The following GALNT17 variants were observed in gnomAD, a reference collection of about 807,000 sequenced individuals.
The protein encoded by GALNT17 is UDP-GalNAc:polypeptide N-acetylgalactosaminyltransferase-like 3.
GALNT17 carries 29 observed loss-of-function variants against 63.7 expected under a neutral mutation model. The observed-to-expected ratio is 0.46, with a 90% CI of 0.34 to 0.62. The LOEUF (loss-of-function observed/expected upper bound fraction) is 0.62, where lower values mean the gene tolerates loss of function less well. Among genes scored for constraint, GALNT17 ranks in the 20% least tolerant of loss-of-function variants. The pLI, the probability that GALNT17 is intolerant of heterozygous loss-of-function variation, is 0.01. For missense variants in GALNT17, 603 were observed against 799.6 expected (o/e 0.75, Z 2.97); for synonymous variants, 305 against 318.3 (o/e 0.96, Z 0.45).
intron 9 of GALNT17, among the ~76,000 whole-genome samples, chr7:71,679,312 CA>C (rs1791200577): frequency 6.6e-6 from 1 of 152,018 alleles, no homozygotes; most frequent in African/African-American, 2.4e-5. Context: ...GTGAGGGGAT[CA>C]CTTGAACCCA....
At position 71,512,391 on chromosome 7, in the gene GALNT17, T is replaced by TAGC. The variant is rs1269705059; in HGVS notation, c.963-58893_963-58891dup. Among the ~76,000 whole-genome samples, 5 of 152,232 alleles carry TAGC rather than the reference T, an allele frequency of 3.3e-5. No individual in the cohort carries two copies. In the East Asian group the frequency reaches 9.7e-4, roughly 29 times the overall value. ...CGTGACAGTGAGAGGTAGCCCAGGG[T>TAGC]AGCTGTTCTTCTGTCTGGGTGGACA... On this transcript the variant is annotated intron_variant, in intron 5 of 10. Coordinates refer to ENST00000333538, the MANE Select transcript of GALNT17 (RefSeq NM_022479.3).
intron 5 of GALNT17, among the ~76,000 whole-genome samples, chr7:71,524,436 C>T (rs1237193861): frequency 6.6e-6 from 1 of 151,746 alleles, no homozygotes; most frequent in Non-Finnish European, 1.5e-5. Context: ...TCTGATGCTA[C>T]TCAAGTTTGA....
chr7:71,546,154 A>G (rs1019006200), intron 5 of GALNT17, among the ~76,000 whole-genome samples: 5 of 144,396 alleles, frequency 3.5e-5, no homozygotes, highest in African/African-American at 1.2e-4. Flanking sequence ...TGAATTCTTG[A>G]GGGACACTTT....
At chr7:71,308,450 G>C (rs1482418032) in intron 1 of GALNT17, among the ~76,000 whole-genome samples, 6 of 152,100 alleles carry the variant, frequency 3.9e-5, no homozygotes, top group Admixed American at 3.3e-4. Flanking sequence ...TCAGGAGTAG[G>C]GAGGGAATGA....
At chr7:71,244,814 G>T (rs1384496569) in intron 1 of GALNT17, among the ~76,000 whole-genome samples, 1 of 152,080 alleles carries the variant, frequency 6.6e-6, no homozygotes, top group Non-Finnish European at 1.5e-5. Flanking sequence ...ACTGGGCATG[G>T]TGGTGCACAC....
At chr7:71,313,435 A>G (rs540642052) in intron 1 of GALNT17, among the ~76,000 whole-genome samples, 153 of 152,356 alleles carry the variant, frequency 1.0e-3, no homozygotes, top group Non-Finnish European at 1.9e-3. Flanking sequence ...GAAAGAGCCA[A>G]TGAAAAAGAA....
chr7:71,438,878 A>C lies in GALNT17; in HGVS notation c.962+17773A>C, dbSNP rs1787015037. Among the ~76,000 whole-genome samples the C allele has an allele frequency of 2.0e-5, 3 of 151,590 alleles. No individual in the cohort carries two copies. In the South Asian group the frequency reaches 6.2e-4, roughly 31 times the overall value. On this transcript the variant is annotated intron_variant, in intron 5 of 10. Coordinates refer to ENST00000333538, the MANE Select transcript of GALNT17 (RefSeq NM_022479.3). Reference sequence around the variant, plus strand: ...ATGACAGACTCTGGTCGCTAATAAAAGATAGACTTTTTTTTTTTTTTTTGG... The same window carrying C: ...ATGACAGACTCTGGTCGCTAATAAACGATAGACTTTTTTTTTTTTTTTTGG...
At chr7:71,258,086 C>T (rs1790320512) in intron 1 of GALNT17, among the ~76,000 whole-genome samples, 1 of 152,224 alleles carries the variant, frequency 6.6e-6, no homozygotes, top group African/African-American at 2.4e-5. Context: ...AGGCCACCCT[C>T]TTCCTTAATG....
chr7:71,711,589 T>C (rs1198432887), intron 10 of GALNT17, among the ~76,000 whole-genome samples: 1 of 151,252 alleles, frequency 6.6e-6, no homozygotes, highest in Non-Finnish European at 1.5e-5. Context: ...CTCTTCTCTG[T>C]CTTGTCTCTC....
rs148817839 is a variant in GALNT17, at chr7:71,670,617, G to A, written c.1404+508G>A. ...TCAATATGCATTTGAGAACATTTTG[G>A]AAATAATAATACTAGGGATGAATAT... On this transcript the variant is annotated intron_variant, in intron 8 of 10. Coordinates refer to ENST00000333538, the MANE Select transcript of GALNT17 (RefSeq NM_022479.3). Among the ~76,000 whole-genome samples the A allele has an allele frequency of 4.5e-3, 683 of 152,220 alleles. 22 individuals are homozygous for A. Among genetic ancestry groups the A allele is most frequent in the Admixed American group, 0.03 (458 of 15,286 alleles).
chr7:71,297,538 A>AGGATTGCTGAAGGTGGG (rs1791104648), intron 1 of GALNT17, among the ~76,000 whole-genome samples: 1 of 152,090 alleles, frequency 6.6e-6, no homozygotes, highest in Admixed American at 6.6e-5. Flanking sequence ...CTGAAGGTGG[A>AGGATTGCTGAAGGTGGG]GGATTGCTTG....
intron 6 of GALNT17, among the ~76,000 whole-genome samples, chr7:71,638,247 TG>T (rs1043942942): frequency 2.6e-5 from 4 of 152,228 alleles, no homozygotes; most frequent in Middle Eastern, 3.2e-3. Flanking sequence ...TGGTGGATCT[TG>T]GCCAGCTTCT....
rs562549494 is a variant in GALNT17, at chr7:71,320,385, T to C, written c.239-15165T>C. ...CCAAGTAGGTGGGACTACAGGTGCA[T>C]GTTGCTGTGCCCAGCTAATTTTGAA... On this transcript the variant is annotated intron_variant, in intron 1 of 10. Transcript: ENST00000333538. Among the ~76,000 whole-genome samples, 119 of 150,952 alleles carry C rather than the reference T, an allele frequency of 7.9e-4. 1 individual carries two copies. The highest frequency in any genetic ancestry group is 1.1e-3 in the South Asian group (5 of 4,734).
In GALNT17 at chr7:71,420,406, G is replaced by T. The variant is rs560341073; in HGVS notation, c.765-502G>T. Among the ~76,000 whole-genome samples, 82 of 152,242 alleles carry T rather than the reference G, an allele frequency of 5.4e-4. 1 individual carries two copies. The highest frequency in any genetic ancestry group is 4.2e-4 in the South Asian group (2 of 4,814). ...AAATAATCACACACACACACACAGA[G>T]AAGCTAGTGAAATGTGTGTTAAAAC... On this transcript the variant is annotated intron_variant, in intron 4 of 10. Transcript: ENST00000333538.
intron 1 of GALNT17, among the ~76,000 whole-genome samples, chr7:71,180,454 T>G (rs1788715349): frequency 6.6e-6 from 1 of 152,072 alleles, no homozygotes; most frequent in Non-Finnish European, 1.5e-5. Flanking sequence ...TATTAAGAAG[T>G]CACGTGCAGA....
At chr7:71,447,632 C>T (rs1321699642) in intron 5 of GALNT17, among the ~76,000 whole-genome samples, 1 of 152,186 alleles carries the variant, frequency 6.6e-6, no homozygotes, top group Non-Finnish European at 1.5e-5. Flanking sequence ...CCCACTCTTA[C>T]ACCACTTATT....
intron 2 of GALNT17, among the ~76,000 whole-genome samples, chr7:71,379,449 G>A (rs781256396): frequency 5.9e-5 from 9 of 152,170 alleles, no homozygotes; most frequent in Non-Finnish European, 8.8e-5. Context: ...CATTCTGGTC[G>A]CAGTAGGGTA....
chr7:71,625,679 G>A (rs1296277366), intron 6 of GALNT17, among the ~76,000 whole-genome samples: 1 of 152,036 alleles, frequency 6.6e-6, no homozygotes, highest in Non-Finnish European at 1.5e-5. Flanking sequence ...TCTCCTTTCG[G>A]GACCTCACTT....
At chr7:71,288,427 G>T (rs761282419) in intron 1 of GALNT17, among the ~76,000 whole-genome samples, 1 of 151,878 alleles carries the variant, frequency 6.6e-6, no homozygotes, top group African/African-American at 2.4e-5. Context: ...TCAAACCCAC[G>T]GTTTTCAGGG....
Sources: gnomAD v4.1 joint callset for allele counts (sites outside exome capture counted in the v4.1 genomes callset) on GRCh38, gnomAD v4.1.1 for gene constraint, MANE v1.5 for transcripts, NCBI Gene and HGNC (gene_info 2026-07-23, HGNC 2026-07-21) for gene names.